The following GRID2 variants were observed in gnomAD, a reference collection of about 807,000 sequenced individuals.
GRID2 encodes the protein glutamate ionotropic receptor delta type subunit 2, also known as glutamate receptor ionotropic, delta-2.
Under a neutral mutation model 114.8 loss-of-function variants are expected in GRID2, and 33 were observed. That is an observed-to-expected ratio of 0.29 (90% CI 0.22 to 0.38). GRID2 has a LOEUF of 0.38. Among genes scored for constraint, GRID2 ranks in the 10% least tolerant of loss-of-function variants. The pLI is 1.00. For synonymous variants in GRID2, 505 were observed against 449.9 expected (o/e 1.12, Z -1.55); for missense variants, 1,184 against 1,257.7 (o/e 0.94, Z 0.89).
At chr4:93,268,148 C>T (rs973008362) in intron 8 of GRID2, among the ~76,000 whole-genome samples, 1 of 152,164 alleles carries the variant, frequency 6.6e-6, no homozygotes, top group Non-Finnish European at 1.5e-5. Flanking sequence ...TGTTGAACTC[C>T]TGTGTTCCTT....
At chr4:93,316,316 GAAAGAAA>G (rs1756619097) in intron 8 of GRID2, among the ~76,000 whole-genome samples, 1 of 137,964 alleles carries the variant, frequency 7.2e-6, no homozygotes, top group African/African-American at 2.9e-5. Flanking sequence ...AAGAAAGAAA[GAAAGAAA>G]GAAAGAAAGA....
chr4:92,860,279 C>A (rs1378175512), intron 2 of GRID2, among the ~76,000 whole-genome samples: 1 of 152,050 alleles, frequency 6.6e-6, no homozygotes, highest in Non-Finnish European at 1.5e-5. Flanking sequence ...TGCTGAGGGC[C>A]AGCACCGGTC....
At chr4:92,541,053 A>G (rs1209011090) in intron 1 of GRID2, among the ~76,000 whole-genome samples, 1 of 152,160 alleles carries the variant, frequency 6.6e-6, no homozygotes, top group African/African-American at 2.4e-5. Flanking sequence ...ACAAAAAACC[A>G]AACACCACAT....
chr4:92,595,756 G>A (rs1484767624), intron 2 of GRID2, among the ~76,000 whole-genome samples: 2 of 152,018 alleles, frequency 1.3e-5, no homozygotes, highest in African/African-American at 4.8e-5. Flanking sequence ...TAAATGGGAT[G>A]ACAGGAAATT....
At chr4:92,503,934 A>T (rs1479955396) in intron 1 of GRID2, among the ~76,000 whole-genome samples, 1 of 152,064 alleles carries the variant, frequency 6.6e-6, no homozygotes, top group Non-Finnish European at 1.5e-5. Flanking sequence ...CTCTCTCCCC[A>T]ATCTCAAAAT....
chr4:92,835,910 C>G (rs1450936360), intron 2 of GRID2, among the ~76,000 whole-genome samples: 1 of 152,100 alleles, frequency 6.6e-6, no homozygotes, highest in Non-Finnish European at 1.5e-5. Flanking sequence ...CAGCAGATCA[C>G]AGGCTTAATT....
chr4:92,878,931 G>A (rs1745810187), intron 2 of GRID2, among the ~76,000 whole-genome samples: 1 of 151,986 alleles, frequency 6.6e-6, no homozygotes, highest in Non-Finnish European at 1.5e-5. Context: ...AATTCTGTTG[G>A]TATACAAAAT....
chr4:93,700,397 T>C (rs989750300), intron 14 of GRID2, among the ~76,000 whole-genome samples: 44 of 152,142 alleles, frequency 2.9e-4, no homozygotes, highest in Admixed American at 2.8e-3. Flanking sequence ...CTCTTGAACA[T>C]TTCGATTGAC....
intron 1 of GRID2, among the ~76,000 whole-genome samples, chr4:92,363,995 T>C (rs2110206211): frequency 6.6e-6 from 1 of 151,960 alleles, no homozygotes; most frequent in East Asian, 1.9e-4. Context: ...AAGTTTTGTA[T>C]TTTTAGTAGA....
At chr4:93,793,748 T>C (rs1258794253) in intron 1 of GRID2, among the ~76,000 whole-genome samples, 1 of 152,170 alleles carries the variant, frequency 6.6e-6, no homozygotes, top group Non-Finnish European at 1.5e-5. Flanking sequence ...CTGTGTACAA[T>C]GAGGGGAAGC....
At chr4:92,569,679 G>T (rs949220639) in intron 1 of GRID2, among the ~76,000 whole-genome samples, 2 of 151,936 alleles carry the variant, frequency 1.3e-5, no homozygotes, top group African/African-American at 2.4e-5. Context: ...GGTGTGAGAT[G>T]GTATCTCATT....
At chr4:92,387,818 T>A (rs1444357028) in intron 1 of GRID2, among the ~76,000 whole-genome samples, 1 of 152,024 alleles carries the variant, frequency 6.6e-6, no homozygotes, top group Non-Finnish European at 1.5e-5. Context: ...GAAATAAAAA[T>A]TCCATTCCCT....
In GRID2 at chr4:92,476,504, G is replaced by T. The variant is rs536502686; in HGVS notation, c.89-113627G>T. Among the ~76,000 whole-genome samples, 15 of 152,212 alleles carry T rather than the reference G, an allele frequency of 9.9e-5. No individual in the cohort carries two copies. In the South Asian group the frequency reaches 3.1e-3, roughly 32 times the overall value. On this transcript the variant is annotated intron_variant, in intron 1 of 15. Coordinates refer to ENST00000282020, the MANE Select transcript of GRID2 (RefSeq NM_001510.4). Reference sequence around the variant, plus strand: ...GTAAACCCATACAGATATTAAAATTGAATGATGGCATTTTGAGTAAAGATG... The same window carrying T: ...GTAAACCCATACAGATATTAAAATTTAATGATGGCATTTTGAGTAAAGATG...
intron 2 of GRID2, among the ~76,000 whole-genome samples, chr4:92,900,936 C>CTGTGTGTGTGTGTGTG (rs67753622): frequency 0.35 from 51,853 of 149,626 alleles, 9,088 homozygotes; most frequent in Middle Eastern, 0.46. Context: ...TAGTATTCGT[C>CTGTGTGTGTGTGTGTG]TGTGTGTGTG....
At chr4:92,981,853 A>T (rs1198626567) in intron 2 of GRID2, among the ~76,000 whole-genome samples, 3 of 151,898 alleles carry the variant, frequency 2.0e-5, no homozygotes, top group Non-Finnish European at 4.4e-5. Context: ...TTCTTTGTTA[A>T]ACTGGGAAAA....
chr4:93,064,890 T>C (rs1180919836), intron 2 of GRID2, among the ~76,000 whole-genome samples: 1 of 151,918 alleles, frequency 6.6e-6, no homozygotes, highest in Admixed American at 6.6e-5. Flanking sequence ...ATGAATTGAT[T>C]GAAGAATGTG....
intron 2 of GRID2, among the ~76,000 whole-genome samples, chr4:92,876,268 C>T (rs946216129): frequency 2.8e-5 from 4 of 145,400 alleles, no homozygotes; most frequent in Non-Finnish European, 3.0e-5. Context: ...ACCCAATTAT[C>T]TTTTTTTTTT....
intron 1 of GRID2, among the ~76,000 whole-genome samples, chr4:92,445,165 C>T (rs1235710039): frequency 1.3e-5 from 2 of 152,148 alleles, no homozygotes; most frequent in Non-Finnish European, 2.9e-5. Flanking sequence ...GTTAACAGTG[C>T]TACAAAGTAG....
At chr4:92,915,990 T>G (rs558440146) in intron 2 of GRID2, among the ~76,000 whole-genome samples, 1 of 152,282 alleles carries the variant, frequency 6.6e-6, no homozygotes, top group Non-Finnish European at 1.5e-5. Context: ...ATGCATACTT[T>G]GCAAATATTT....
Sources: gnomAD v4.1 joint callset for allele counts (sites outside exome capture counted in the v4.1 genomes callset) on GRCh38, gnomAD v4.1.1 for gene constraint, MANE v1.5 for transcripts, NCBI Gene and HGNC (gene_info 2026-07-23, HGNC 2026-07-21) for gene names.